NRG1: variants seen among roughly 807,000 people sequenced by gnomAD.
NRG1 encodes the protein neuregulin 1, also known as pro-neuregulin-1, membrane-bound isoform.
NRG1 carries 18 observed loss-of-function variants against 63.8 expected under a neutral mutation model. The ratio of observed to expected loss-of-function variants is 0.28; its 90% CI spans 0.19 to 0.42. The LOEUF is 0.42. NRG1 is among the 10% of genes least tolerant of loss of function. The pLI is 1.00. For missense variants in NRG1, 762 were observed against 814.7 expected (o/e 0.94, Z 0.79); for synonymous variants, 302 against 301.3 (o/e 1.00, Z -0.02).
intron 1 of NRG1, among the ~76,000 whole-genome samples, chr8:31,669,941 G>A (rs146313392): frequency 6.6e-6 from 1 of 152,188 alleles, no homozygotes; most frequent in East Asian, 1.9e-4. Flanking sequence ...TTCAGATGGT[G>A]GAGTATCTCA....
At chr8:32,079,706 T>C (rs886135529) in intron 1 of NRG1, among the ~76,000 whole-genome samples, 1 of 152,292 alleles carries the variant, frequency 6.6e-6, no homozygotes, top group African/African-American at 2.4e-5. Flanking sequence ...AACTGGCATG[T>C]ACAGAATTTT....
At chr8:32,686,819 G>A (rs769734632) in intron 5 of NRG1, among the ~76,000 whole-genome samples, 6 of 152,182 alleles carry the variant, frequency 3.9e-5, no homozygotes, top group Non-Finnish European at 8.8e-5. Context: ...GGAGAAAAGT[G>A]TGCTCAATGT....
chr8:31,707,849 T>C (rs1164718327), intron 1 of NRG1, among the ~76,000 whole-genome samples: 1 of 152,200 alleles, frequency 6.6e-6, no homozygotes, highest in African/African-American at 2.4e-5. Flanking sequence ...AATCATAGCT[T>C]CTGTAGTAAA....
chr8:32,165,024 C>G (rs1157956278), intron 1 of NRG1, among the ~76,000 whole-genome samples: 1 of 152,114 alleles, frequency 6.6e-6, no homozygotes, highest in Non-Finnish European at 1.5e-5. Flanking sequence ...CTCTCCCCCA[C>G]CCCCCAACAC....
intron 1 of NRG1, among the ~76,000 whole-genome samples, chr8:32,020,743 G>T (rs1465378081): frequency 6.6e-6 from 1 of 152,118 alleles, no homozygotes; most frequent in African/African-American, 2.4e-5. Context: ...GCAAACACTT[G>T]CATTTCAGAA....
intron 1 of NRG1, among the ~76,000 whole-genome samples, chr8:31,808,393 A>C (rs1031498904): frequency 1.3e-5 from 2 of 152,060 alleles, no homozygotes; most frequent in African/African-American, 4.8e-5. Flanking sequence ...GTAACTTTTA[A>C]GATAAAACGA....
intron 1 of NRG1, among the ~76,000 whole-genome samples, chr8:31,883,859 G>T (rs1830530885): frequency 6.6e-6 from 1 of 152,020 alleles, no homozygotes; most frequent in South Asian, 2.1e-4. Context: ...TTGACGGAAT[G>T]GTCTCTTAAT....
intron 1 of NRG1, among the ~76,000 whole-genome samples, chr8:32,093,257 G>C (rs1829446793): frequency 1.3e-5 from 2 of 152,120 alleles, no homozygotes; most frequent in Non-Finnish European, 2.9e-5. Flanking sequence ...GATGTGCATA[G>C]CCCGAGAAAC....
intron 11 of NRG1, among the ~76,000 whole-genome samples, chr8:32,761,934 G>A (rs551724074): frequency 6.6e-6 from 1 of 150,726 alleles, no homozygotes; most frequent in Non-Finnish European, 1.5e-5. Context: ...AGCTACTAGG[G>A]AGGCTGAGGC....
At chr8:32,231,529 T>G (rs1007764185) in intron 1 of NRG1, among the ~76,000 whole-genome samples, 5 of 152,178 alleles carry the variant, frequency 3.3e-5, no homozygotes, top group African/African-American at 1.2e-4. Context: ...TTTCTTTAGT[T>G]TATATTGCTG....
intron 1 of NRG1, among the ~76,000 whole-genome samples, chr8:32,127,575 A>G: frequency 6.7e-6 from 1 of 150,106 alleles, no homozygotes; most frequent in African/African-American, 2.4e-5. Flanking sequence ...ATTCAAAAAA[A>G]ATGAGGAGAT....
intron 1 of NRG1, among the ~76,000 whole-genome samples, chr8:31,803,759 T>C (rs140292564): frequency 0.013 from 1,937 of 152,330 alleles, 28 homozygotes; most frequent in Non-Finnish European, 0.02. Flanking sequence ...TTTCTTTCCA[T>C]GGCCTAAAGG....
intron 1 of NRG1, among the ~76,000 whole-genome samples, chr8:31,789,238 T>C (rs373058488): frequency 6.6e-6 from 1 of 152,184 alleles, no homozygotes; most frequent in Non-Finnish European, 1.5e-5. Context: ...TTAGAGTCAA[T>C]TGACCTCATT....
intron 1 of NRG1, among the ~76,000 whole-genome samples, chr8:32,275,906 A>G (rs1209401075): frequency 6.6e-6 from 1 of 152,112 alleles, no homozygotes; most frequent in Non-Finnish European, 1.5e-5. Flanking sequence ...TTTCCTGTTA[A>G]TTTGAATTGG....
At chr8:32,266,639 T>C (rs1850967881) in intron 1 of NRG1, among the ~76,000 whole-genome samples, 1 of 152,150 alleles carries the variant, frequency 6.6e-6, no homozygotes, top group Non-Finnish European at 1.5e-5. Flanking sequence ...TTCACCTCAA[T>C]AGAATCTTAT....
chr8:31,977,924 C>T (rs990377075), intron 1 of NRG1, among the ~76,000 whole-genome samples: 15 of 151,926 alleles, frequency 9.9e-5, no homozygotes, highest in East Asian at 3.9e-4. Context: ...TCTTGACAAA[C>T]GGATTCTACA....
At chr8:31,915,540 G>A (rs956185943) in intron 1 of NRG1, among the ~76,000 whole-genome samples, 1 of 152,124 alleles carries the variant, frequency 6.6e-6, no homozygotes, top group African/African-American at 2.4e-5. Flanking sequence ...AGCTGAACTT[G>A]TAGTGCCCTA....
At chr8:31,989,064 C>T (rs1322996214) in intron 1 of NRG1, among the ~76,000 whole-genome samples, 3 of 151,506 alleles carry the variant, frequency 2.0e-5, no homozygotes, top group South Asian at 2.1e-4. Flanking sequence ...GCCTATCCAA[C>T]ATGGTAAAAC....
At chr8:32,755,505 C>G (rs1359697820) in intron 8 of NRG1, among the ~76,000 whole-genome samples, 1 of 152,092 alleles carries the variant, frequency 6.6e-6, no homozygotes, top group Non-Finnish European at 1.5e-5. Context: ...CTGGAGTCGA[C>G]CTGGTGAGTC....
Sources: allele counts gnomAD v4.1 joint callset (sites outside exome capture counted in the v4.1 genomes callset), GRCh38; gene constraint gnomAD v4.1.1; transcripts MANE v1.5; gene names NCBI Gene and HGNC (gene_info 2026-07-23, HGNC 2026-07-21).